PTPN9: variants seen among roughly 807,000 people sequenced by gnomAD.
PTPN9 encodes protein tyrosine phosphatase non-receptor type 9.
Under a neutral mutation model 69.8 loss-of-function variants are expected in PTPN9, and 26 were observed. The observed-to-expected ratio is 0.37, with a 90% CI of 0.27 to 0.52. The LOEUF is 0.52. Ranked by LOEUF, PTPN9 falls within the 20% of genes least tolerant of loss-of-function variation. The probability of loss-of-function intolerance (pLI) is 0.91; values close to 1 mark genes in which losing one functional copy is unlikely to be tolerated. For synonymous variants in PTPN9, 274 were observed against 272.5 expected (o/e 1.01, Z -0.05); for missense variants, 549 against 740.3 (o/e 0.74, Z 3.00).
At chr15:75,567,856 C>T (rs538135358) in intron 1 of PTPN9, among the ~76,000 whole-genome samples, 5 of 149,940 alleles carry the variant, frequency 3.3e-5, no homozygotes, top group African/African-American at 7.3e-5. Flanking sequence ...ATTAGCCGGG[C>T]GTGGTGGCAG....
intron 1 of PTPN9, among the ~76,000 whole-genome samples, chr15:75,562,740 G>A (rs1036541138): frequency 2.9e-5 from 4 of 138,072 alleles, no homozygotes; most frequent in East Asian, 2.1e-4. Context: ...GCTGAGGCAG[G>A]AGAATGGCGT....
At chr15:75,514,884 AAGAAGTCTGACATTAG>A (rs1176198800) in intron 5 of PTPN9, among the ~76,000 whole-genome samples, 9 of 152,334 alleles carry the variant, frequency 5.9e-5, no homozygotes, top group Non-Finnish European at 1.3e-4. Context: ...GAAAAAAATT[AAGAAGTCTGACATTAG>A]TAAGTGCTGG....
At chr15:75,558,416 A>G (rs1301113692) in intron 1 of PTPN9, among the ~76,000 whole-genome samples, 2 of 152,138 alleles carry the variant, frequency 1.3e-5, no homozygotes, top group African/African-American at 4.8e-5. Context: ...CTGAGGCACG[A>G]GAACTGCTTG....
intron 7 of PTPN9, among the ~76,000 whole-genome samples, chr15:75,500,411 C>A (rs1044108651): frequency 6.6e-6 from 1 of 152,052 alleles, no homozygotes; most frequent in Non-Finnish European, 1.5e-5. Context: ...TGGTGGCACA[C>A]ACCTGTAATT....
intron 8 of PTPN9, among the ~76,000 whole-genome samples, chr15:75,482,059 G>C (rs893446449): frequency 6.7e-6 from 1 of 149,830 alleles, no homozygotes; most frequent in Non-Finnish European, 1.5e-5. Context: ...GATGGTTGCC[G>C]TGTCTGTGTA....
intron 1 of PTPN9, among the ~76,000 whole-genome samples, chr15:75,558,062 G>A (rs2075085135): frequency 6.6e-6 from 1 of 152,184 alleles, no homozygotes; most frequent in Non-Finnish European, 1.5e-5. Flanking sequence ...AGGCGCAGTC[G>A]CTCACACCTG....
At chr15:75,490,827 A>T (rs1034669133) in intron 7 of PTPN9, among the ~76,000 whole-genome samples, 1 of 151,996 alleles carries the variant, frequency 6.6e-6, no homozygotes, top group Non-Finnish European at 1.5e-5. Context: ...GGGTTTCACC[A>T]TGTTAGCCAG....
At position 75,527,114 on chromosome 15, in the gene PTPN9, A is replaced by T. The variant is rs777579974; in HGVS notation, c.207+4T>A. 7.8e-5 allele frequency: 126 copies of T among 1,614,142 alleles called. No homozygotes were observed. The highest frequency in any genetic ancestry group is 1.0e-4 in the Non-Finnish European group (118 of 1,180,018). ...CAGGTCTGGTCTACCCCTGAGCCAC[A>T]TACTCTGTAGGAGTGGAACAATTCT... On this transcript the variant is annotated splice_donor_region_variant and intron_variant, in intron 2 of 12. Coordinates refer to ENST00000618819, the MANE Select transcript of PTPN9 (RefSeq NM_002833.4).
intron 7 of PTPN9, among the ~76,000 whole-genome samples, chr15:75,505,320 C>T (rs1447154804): frequency 3.3e-4 from 49 of 149,764 alleles, no homozygotes; most frequent in African/African-American, 1.2e-3. Context: ...ACAAACACTG[C>T]GGAAGGCCGC....
chr15:75,487,004 C>A (rs1000038656), intron 8 of PTPN9, among the ~76,000 whole-genome samples: 10 of 151,984 alleles, frequency 6.6e-5, no homozygotes, highest in African/African-American at 2.2e-4. Flanking sequence ...CCAGGATGGT[C>A]TCGATCTCCT....
intron 1 of PTPN9, among the ~76,000 whole-genome samples, chr15:75,540,655 A>C (rs1015346758): frequency 6.6e-6 from 1 of 152,140 alleles, no homozygotes; most frequent in Admixed American, 6.6e-5. Context: ...CAGTTGCTGC[A>C]AGAATGATCC....
intron 1 of PTPN9, among the ~76,000 whole-genome samples, chr15:75,539,881 G>A (rs1038232151): frequency 2.6e-5 from 4 of 152,066 alleles, no homozygotes; most frequent in African/African-American, 9.7e-5. Context: ...ATGTTGGCCA[G>A]GCTGGTCTCG....
chr15:75,484,034 G>C (rs564955996), intron 8 of PTPN9, among the ~76,000 whole-genome samples: 5 of 152,296 alleles, frequency 3.3e-5, no homozygotes, highest in African/African-American at 1.2e-4. Context: ...GAAGCAGGGA[G>C]TTCTCTTCTT....
At chr15:75,519,719 C>T (rs982909235) in intron 4 of PTPN9, among the ~76,000 whole-genome samples, 1 of 149,752 alleles carries the variant, frequency 6.7e-6, no homozygotes, top group African/African-American at 2.5e-5. Context: ...TGATCTGCCC[C>T]CCTCGGCCTC....
intron 1 of PTPN9, among the ~76,000 whole-genome samples, chr15:75,573,877 C>G (rs2075159866): frequency 6.6e-6 from 1 of 152,112 alleles, no homozygotes; most frequent in Non-Finnish European, 1.5e-5. Context: ...AGGTTAGAAT[C>G]TAATCTAACT....
chr15:75,479,948 A>C (rs771916791), intron 8 of PTPN9, 34 bp from the exon 9 acceptor site: 12 of 1,419,808 alleles, frequency 8.5e-6, no homozygotes, highest in Non-Finnish European at 1.1e-5. Context: ...CTATAGCTAC[A>C]CAGAATACAC....
At position 75,508,901 on chromosome 15, in the gene PTPN9, G is replaced by A; in HGVS notation, c.639+16C>T. The A allele has an allele frequency of 6.3e-7, 1 of 1,583,546 alleles. No individual in the cohort carries two copies. The highest frequency in any genetic ancestry group is 8.7e-7 in the Non-Finnish European group (1 of 1,153,702). ...ATCTATTCACCTCCAGATAAAAAAGGGCAAGCTTGCCTTACCCTCTCCCGG... is the reference window on the plus strand; with the variant it reads ...ATCTATTCACCTCCAGATAAAAAAGAGCAAGCTTGCCTTACCCTCTCCCGG... On this transcript the variant is annotated intron_variant, in intron 6 of 12. Coordinates refer to ENST00000618819, the MANE Select transcript of PTPN9 (RefSeq NM_002833.4).
intron 5 of PTPN9, 34 bp from the exon 6 acceptor site, chr15:75,509,061 T>G (rs770301604): frequency 1.8e-4 from 278 of 1,555,824 alleles, no homozygotes; most frequent in Non-Finnish European, 3.5e-5. Flanking sequence ...TTAAGTGTAA[T>G]GGAACCTGTG....
At chr15:75,514,855 C>G (rs2074861521) in intron 5 of PTPN9, among the ~76,000 whole-genome samples, 2 of 152,150 alleles carry the variant, frequency 1.3e-5, no homozygotes, top group Non-Finnish European at 2.9e-5. Context: ...AAGATACCAT[C>G]TCATATCCAT....
Sources: allele counts gnomAD v4.1 joint callset (sites outside exome capture counted in the v4.1 genomes callset), GRCh38; gene constraint gnomAD v4.1.1; transcripts MANE v1.5; gene names NCBI Gene and HGNC (gene_info 2026-07-23, HGNC 2026-07-21).